GUCY2D: variants seen among roughly 807,000 people sequenced by gnomAD.
The protein encoded by GUCY2D is guanylate cyclase 2D, retinal.
Under a neutral mutation model 101.3 loss-of-function variants are expected in GUCY2D, and 70 were observed. The observed-to-expected ratio is 0.69, with a 90% CI of 0.57 to 0.84. The LOEUF (loss-of-function observed/expected upper bound fraction) is 0.84, where lower values mean the gene tolerates loss of function less well. Among genes scored for constraint, GUCY2D ranks in the 40% least tolerant of loss-of-function variants. GUCY2D has a pLI of 0.00. For synonymous variants in GUCY2D, 688 were observed against 670.7 expected (o/e 1.03, Z -0.40); for missense variants, 1,460 against 1,542.5 (o/e 0.95, Z 0.90).
chr17:8,003,118 C>T lies in GUCY2D; in HGVS notation c.71C>T (p.Pro24Leu), dbSNP rs1438692183. The T allele has an allele frequency of 1.3e-6, 2 of 1,516,972 alleles. No homozygotes were observed. Among genetic ancestry groups the T allele is most frequent in the African/African-American group, 1.4e-5 (1 of 70,252 alleles). 94.0% of individuals were successfully genotyped at this position (1,516,972 alleles called of 1,614,324 possible). The change falls in exon 2 of 20, where the codon CCG (proline) becomes CTG (leucine). Residue 24 changes from proline to leucine, a missense_variant. Coordinates refer to ENST00000254854, the MANE Select transcript of GUCY2D (RefSeq NM_000180.4). ...CTCTGCGGTCCCGCGTGGTGGGCTC[C>T]GTCCCTGCCCCGCCTCCCCCGGGCC... ...PGLCGPAWWA[P>L]SLPRLPRALP...
chr17:8,014,033 G>A lies in GUCY2D; in HGVS notation c.2412+5G>A, dbSNP rs777697046. On this transcript the variant is annotated splice_donor_5th_base_variant and intron_variant, in intron 12 of 19. Coordinates refer to ENST00000254854, the MANE Select transcript of GUCY2D (RefSeq NM_000180.4). The surrounding 1 kb of genome is among the most constrained non-coding windows in gnomAD (Gnocchi z 4.0). ...ATGGACCACACCTTCGACCTGGTCA[G>A]GGGCTGGGAGTGGGCAAGGACTGGG... 1.9e-6 allele frequency: 3 copies of A among 1,611,926 alleles called. No homozygotes were observed. The South Asian group carries it at 3.3e-5, about 18-fold the overall frequency.
In GUCY2D at chr17:8,013,668, C is replaced by G; in HGVS notation, c.2264-212C>G. On this transcript the variant is annotated intron_variant, in intron 11 of 19. Coordinates refer to ENST00000254854, the MANE Select transcript of GUCY2D (RefSeq NM_000180.4). This position sits in a 1 kb window ranked among gnomAD's most constrained non-coding sequence, Gnocchi z 5.0. ...GTTTCTTTGCCTATGTCACCTCTTA[C>G]TGACCCCCAGAGTTCGAGGTCCTCT... is the stretch of plus-strand genomic sequence containing the variant. 1 of 603,740 alleles carries G rather than the reference C, an allele frequency of 1.7e-6. No homozygotes were observed. The highest frequency in any genetic ancestry group is 2.0e-5 in the South Asian group (1 of 50,718). The allele number at this position is 603,740 out of a possible 1,614,324, so 37.4% of individuals were successfully genotyped here. A position where few individuals can be genotyped will look rare whatever the true frequency, so the allele number is the denominator to read the frequency against.
At chr17:8,016,054 C>T in intron 17 of GUCY2D, 33 bp downstream of exon 17, 1 of 1,550,568 alleles carries the variant, frequency 6.4e-7, no homozygotes, top group Non-Finnish European at 8.8e-7. Context: ...CCCGGAGGCC[C>T]CGCCCTGTCC....
rs1567961173 is a variant in GUCY2D, at chr17:8,013,831, C to G, written c.2264-49C>G. ...ACAGTCAGGCCAGGGTCAGAGGCAG[C>G]CTTTGTGTTCTGGGGGCACTCCCCC... On this transcript the variant is annotated intron_variant, in intron 11 of 19. Coordinates refer to ENST00000254854, the MANE Select transcript of GUCY2D (RefSeq NM_000180.4). This position sits in a 1 kb window ranked among gnomAD's most constrained non-coding sequence, Gnocchi z 5.0. 6.4e-7 allele frequency: 1 copy of G among 1,569,526 alleles called. No homozygotes were observed. Among genetic ancestry groups the G allele is most frequent in the South Asian group, 1.1e-5 (1 of 90,154 alleles).
rs541449650 is a variant in GUCY2D, at chr17:8,016,710, C to T, written c.*24+156C>T. Reference sequence around the variant, plus strand: ...TCCCCTGGGAGGGAAGCAGCCATTGCAGGAATTTTGGTTCAGTAGATCTGG... The same window carrying T: ...TCCCCTGGGAGGGAAGCAGCCATTGTAGGAATTTTGGTTCAGTAGATCTGG... On this transcript the variant is annotated intron_variant, in intron 19 of 19. Transcript: ENST00000254854. 6.8e-6 allele frequency: 4 copies of T among 592,212 alleles called. No homozygotes were observed. In the East Asian group the frequency reaches 8.4e-5, roughly 12 times the overall value. The allele number at this position is 592,212 out of a possible 1,614,324, so 36.7% of individuals were successfully genotyped here.
At position 8,003,207 on chromosome 17, in the gene GUCY2D, T is replaced by A. The variant is rs1453829975; in HGVS notation, c.160T>A (p.Phe54Ile). Residue 54 changes from phenylalanine to isoleucine, a missense_variant, in exon 2 of 20, where the codon TTC becomes ATC. Phe to Ile is a conservative substitution (Grantham distance 21, BLOSUM62 0). Coordinates refer to ENST00000254854, the MANE Select transcript of GUCY2D (RefSeq NM_000180.4). ...LLQPPALSAV[F>I]TVGVLGPWAC... ...GCAGCCCCCCGCCCTCTCCGCCGTG[T>A]TCACGGTGGGGGTCCTGGGCCCCTG... 2 of 1,521,098 alleles carry A rather than the reference T, an allele frequency of 1.3e-6. No individual in the cohort carries two copies. The highest frequency in any genetic ancestry group is 1.8e-6 in the Non-Finnish European group (2 of 1,139,828). The allele number at this position is 1,521,098 out of a possible 1,614,324, so 94.2% of individuals were successfully genotyped here. A position where few individuals can be genotyped will look rare whatever the true frequency, so the allele number is the denominator to read the frequency against.
intron 14 of GUCY2D, 28 bp from the exon 15 acceptor site, chr17:8,015,300 A>T: frequency 6.3e-7 from 1 of 1,598,030 alleles, no homozygotes; most frequent in Non-Finnish European, 8.5e-7. Flanking sequence ...GCTCAAAAGA[A>T]AATTCACACA....
chr17:8,003,297 C>A lies in GUCY2D; in HGVS notation c.250C>A (p.Leu84Met). The change falls in exon 2 of 20, where the codon CTG becomes ATG. Residue 84 changes from leucine (L) to methionine (M), a missense_variant. Around this residue, in one of 3 missense-constraint regions of GUCY2D, gnomAD observed 1,196 missense variants for 1,229.6 expected, o/e 0.97. Coordinates refer to ENST00000254854, the MANE Select transcript of GUCY2D (RefSeq NM_000180.4). Reference protein sequence around the residue: ...DLAARLAAARLNRDPGLAGGP... With the variant: ...DLAARLAAARMNRDPGLAGGP... ...GGCCGCCCGCCTGGCCGCCGCCCGC[C>A]TGAACCGCGACCCCGGCCTGGCAGG... 4 of 1,490,686 alleles carry A rather than the reference C, an allele frequency of 2.7e-6. No individual in the cohort carries two copies. The highest frequency in any genetic ancestry group is 3.6e-6 in the Non-Finnish European group (4 of 1,126,620). The allele number at this position is 1,490,686 out of a possible 1,614,324, so 92.3% of individuals were successfully genotyped here.
chr17:8,007,256 G>T (rs1975763299), intron 5 of GUCY2D, 112 bp downstream of exon 5: 2 of 974,176 alleles, frequency 2.1e-6, no homozygotes, highest in Non-Finnish European at 3.3e-6. Flanking sequence ...TTTTTCTTGG[G>T]GTGAGGGTGT....
Position 8,014,505 on chromosome 17 carries a change from A to T in GUCY2D, c.2413-96A>T. On this transcript the variant is annotated intron_variant, in intron 12 of 19. Coordinates refer to ENST00000254854, the MANE Select transcript of GUCY2D (RefSeq NM_000180.4). The surrounding 1 kb of genome is among the most constrained non-coding windows in gnomAD (Gnocchi z 4.0). Reference sequence around the variant, plus strand: ...TGGTGGCAGCGGGGTTGGGGTTCAGAGTGAACAGCCCCATGAGAGGGCCCA... The same window carrying T: ...TGGTGGCAGCGGGGTTGGGGTTCAGTGTGAACAGCCCCATGAGAGGGCCCA... 1 of 1,162,230 alleles carries T rather than the reference A, an allele frequency of 8.6e-7. No homozygotes were observed. Among genetic ancestry groups the T allele is most frequent in the Non-Finnish European group, 1.3e-6 (1 of 773,548 alleles). 72.0% of individuals were successfully genotyped at this position (1,162,230 alleles called of 1,614,324 possible).
rs181566410 is a variant in GUCY2D, at chr17:8,004,729, A to C, written c.1026+573A>C. Among the ~76,000 whole-genome samples the C allele has an allele frequency of 2.5e-3, 374 of 152,248 alleles. 1 individual carries two copies. Among genetic ancestry groups the C allele is most frequent in the African/African-American group, 8.4e-3 (349 of 41,518 alleles). On this transcript the variant is annotated intron_variant, in intron 3 of 19. Coordinates refer to ENST00000254854, the MANE Select transcript of GUCY2D (RefSeq NM_000180.4). Reference sequence around the variant, plus strand: ...ATCCCAGTTCAGATCATCTAACTTTACTCCCGCCACAAAGGGGGACTAGAA... The same window carrying C: ...ATCCCAGTTCAGATCATCTAACTTTCCTCCCGCCACAAAGGGGGACTAGAA...
chr17:8,018,915 T>C (rs1391394963), intron 19 of GUCY2D, among the ~76,000 whole-genome samples: 1 of 152,014 alleles, frequency 6.6e-6, no homozygotes, highest in Non-Finnish European at 1.5e-5. Flanking sequence ...GAAGGAAGAA[T>C]GTATCAAACA....
In GUCY2D at chr17:8,015,571, G is replaced by C. The variant is rs1221548502; in HGVS notation, c.2944+69G>C. 6 of 1,442,246 alleles carry C rather than the reference G, an allele frequency of 4.2e-6. No individual in the cohort carries two copies. The African/African-American group carries it at 7.0e-5, about 17-fold the overall frequency. 89.3% of individuals were successfully genotyped at this position (1,442,246 alleles called of 1,614,324 possible). ...AGGGCCTGGCCCCAGATTTCCTGTA[G>C]AGGAGGCAACTCATGGAGCGGGGAG... On this transcript the variant is annotated intron_variant, in intron 15 of 19. Coordinates refer to ENST00000254854, the MANE Select transcript of GUCY2D (RefSeq NM_000180.4).
Position 8,020,244 on chromosome 17 carries a change from C to G in GUCY2D, c.*141C>G, listed in dbSNP as rs896336429. 6.6e-6 allele frequency: 1 copy of G among 152,044 alleles called. No homozygotes were observed. The highest frequency in any genetic ancestry group is 1.5e-5 in the Non-Finnish European group (1 of 68,100). 9.4% of individuals were successfully genotyped at this position (152,044 alleles called of 1,614,324 possible). On this transcript the variant is annotated 3_prime_UTR_variant, in exon 20 of 20. Coordinates refer to ENST00000254854, the MANE Select transcript of GUCY2D (RefSeq NM_000180.4). ...TGACACTGCATTGCTGGGCTGTGTT[C>G]CTCGGGCTCTTCTGGACCTTGCACC...
At chr17:8,006,133 G>A (rs1975732150) in intron 3 of GUCY2D, among the ~76,000 whole-genome samples, 2 of 152,038 alleles carry the variant, frequency 1.3e-5, no homozygotes, top group South Asian at 2.1e-4. Flanking sequence ...ACAGCCAATA[G>A]GAGAGGGAGG....
chr17:8,004,083 A>T lies in GUCY2D; in HGVS notation c.953A>T (p.Glu318Val). 1 of 1,604,680 alleles carries T rather than the reference A, an allele frequency of 6.2e-7. No individual in the cohort carries two copies. Among genetic ancestry groups the T allele is most frequent in the Non-Finnish European group, 8.5e-7 (1 of 1,179,786 alleles). Residue 318 changes from glutamate (E) to valine (V), a missense_variant, in exon 3 of 20, where the codon GAA becomes GTA. Physicochemically the swap from Glu to Val is moderately radical, Grantham distance 121 (BLOSUM62 -2). This residue lies in a region of GUCY2D where 1,196 missense variants were observed against 1,229.6 expected (regional missense o/e 0.97). Coordinates refer to ENST00000254854, the MANE Select transcript of GUCY2D (RefSeq NM_000180.4). Reference sequence around the variant, plus strand: ...ACCCTCACGCGCCACTGTCCCTCTGAAGGCAGCGTGCTGGACAGCCTGCGC... The same window carrying T: ...ACCCTCACGCGCCACTGTCCCTCTGTAGGCAGCGTGCTGGACAGCCTGCGC... The part of the protein sequence containing the change: ...VLTLTRHCPS[E>V]GSVLDSLRRA...
Position 8,013,486 on chromosome 17 carries a change from C to CCAAA in GUCY2D, c.2263+236_2263+239dup, listed in dbSNP as rs1975898227. ...AGCTTCCTCTTTCTTGATGCTGGAA[C>CCAAA]CAAACTGTTTCCACAACTGACAGAA... is the stretch of plus-strand genomic sequence containing the variant. On this transcript the variant is annotated intron_variant, in intron 11 of 19. Transcript: ENST00000254854. This position sits in a 1 kb window ranked among gnomAD's most constrained non-coding sequence, Gnocchi z 5.0. The CCAAA allele has an allele frequency of 1.7e-6, 1 of 597,486 alleles. No homozygotes were observed. The allele number at this position is 597,486 out of a possible 1,614,324, so 37.0% of individuals were successfully genotyped here.
chr17:8,004,477 A>G (rs1975703207), intron 3 of GUCY2D, among the ~76,000 whole-genome samples: 1 of 152,134 alleles, frequency 6.6e-6, no homozygotes, highest in South Asian at 2.1e-4. Flanking sequence ...TAAAATAAAT[A>G]CTTGGTGTTC....
At position 8,007,441 on chromosome 17, in the gene GUCY2D, C is replaced by A; in HGVS notation, c.1479C>A (p.His493Gln). The change falls in exon 6 of 20, where the codon CAC becomes CAA. Residue 493 changes from histidine (H) to glutamine (Q), a missense_variant. Physicochemically the swap from His to Gln is conservative, Grantham distance 24. This residue lies in a region of GUCY2D where 1,196 missense variants were observed against 1,229.6 expected (regional missense o/e 0.97). Transcript: ENST00000254854. Reference sequence around the variant, plus strand: ...TCTCCACCAGGCACCGGCTACTTCACATGCAAATGGTCTCCGGCCCCAACA... The same window carrying A: ...TCTCCACCAGGCACCGGCTACTTCAAATGCAAATGGTCTCCGGCCCCAACA... ...LAHYVRHRLLHMQMVSGPNKI... is the reference protein window; with the variant it reads ...LAHYVRHRLLQMQMVSGPNKI... 1 of 1,612,446 alleles carries A rather than the reference C, an allele frequency of 6.2e-7. No individual in the cohort carries two copies. The highest frequency in any genetic ancestry group is 8.5e-7 in the Non-Finnish European group (1 of 1,178,456).
Sources: gnomAD v4.1 joint callset for allele counts (sites outside exome capture counted in the v4.1 genomes callset) on GRCh38, gnomAD v4.1.1 for gene constraint, gnomAD v4.1.1 regional missense constraint, Gnocchi (gnomAD v3.1) non-coding constraint, MANE v1.5 for transcripts, NCBI Gene and HGNC (gene_info 2026-07-23, HGNC 2026-07-21) for gene names.